Variants in CCDC180 observed in about 807,000 individuals in gnomAD.
CCDC180 encodes coiled-coil domain containing 180, also known as coiled-coil domain-containing protein 180.
A neutral mutation model predicts 209.2 loss-of-function variants in CCDC180; 154 were observed. The ratio of observed to expected loss-of-function variants is 0.74; its 90% CI spans 0.65 to 0.84. CCDC180 has a LOEUF of 0.84. Among genes scored for constraint, CCDC180 ranks in the 40% least tolerant of loss-of-function variants. CCDC180 has a pLI of 0.00. For missense variants in CCDC180, 1,874 were observed against 1,997.3 expected (o/e 0.94, Z 1.18); for synonymous variants, 778 against 749.1 (o/e 1.04, Z -0.63).
chr9:97,341,347 C>A (rs1053527996), intron 18 of CCDC180, among the ~76,000 whole-genome samples: 4 of 152,170 alleles, frequency 2.6e-5, no homozygotes, highest in African/African-American at 9.7e-5. Flanking sequence ...CGGGGAGAGA[C>A]CCACCGACCC....
intron 32 of CCDC180, 108 bp from the exon 33 acceptor site, chr9:97,370,533 C>A: frequency 1.6e-6 from 2 of 1,289,212 alleles, no homozygotes; most frequent in Non-Finnish European, 2.2e-6. Context: ...CCCACACACC[C>A]AGGTCAGAGG....
rs143570099 is a variant in CCDC180, at chr9:97,362,273, G to C, written c.3734G>C (p.Gly1245Ala). 0.012 allele frequency: 19,483 copies of C among 1,614,134 alleles called. 178 individuals carry two copies. Among genetic ancestry groups the C allele is most frequent in the Non-Finnish European group, 0.014 (17,029 of 1,180,014 alleles). ...SQTGRGAWAC[G>A]SRGSSEAGAG... ...ACAGGTAGAGGCGCATGGGCCTGTG[G>C]GTCTCGGGGCAGCAGTGAGGCAGGG... Residue 1245 changes from glycine (G) to alanine (A), a missense_variant, in exon 28 of 37, where the codon GGG becomes GCG. Coordinates refer to ENST00000529487, the MANE Select transcript of CCDC180 (RefSeq NM_020893.6).
chr9:97,356,615 G>A (rs1157816695), intron 24 of CCDC180, among the ~76,000 whole-genome samples: 1 of 152,146 alleles, frequency 6.6e-6, no homozygotes, highest in African/African-American at 2.4e-5. Context: ...AGAGCCCACG[G>A]CTCCAGGGCA....
chr9:97,330,390 A>G lies in CCDC180; in HGVS notation c.1897A>G (p.Met633Val). The change falls in exon 18 of 37, where the codon ATG becomes GTG. Residue 633 changes from methionine (M) to valine (V), a missense_variant. Met to Val is a conservative substitution (Grantham distance 21). Transcript: ENST00000529487. ...GAAGAAGCAAGGGTCTAAAGAGGACATGACCAGAAGTGAGGAAAGCATAAG... is the reference window on the plus strand; with the variant it reads ...GAAGAAGCAAGGGTCTAAAGAGGACGTGACCAGAAGTGAGGAAAGCATAAG... ...LRKKQGSKED[M>V]TRSEESISSG... 2 of 1,614,226 alleles carry G rather than the reference A, an allele frequency of 1.2e-6. No homozygotes were observed. Among genetic ancestry groups the G allele is most frequent in the South Asian group, 1.1e-5 (1 of 91,092 alleles).
At chr9:97,359,794 G>A (rs985276429) in intron 25 of CCDC180, among the ~76,000 whole-genome samples, 188 bp from the exon 26 acceptor site, 1 of 152,044 alleles carries the variant, frequency 6.6e-6, no homozygotes, top group Non-Finnish European at 1.5e-5. Context: ...ACTGTGAAGT[G>A]AAGGCTGCCT....
In CCDC180 at chr9:97,310,154, C is replaced by T. The variant is rs1564143672; in HGVS notation, c.260+550C>T. ...AGCAGCTGATTTGCATTTTTGAAGT[C>T]CCTCAGGCAGCTCTGTGCAGAATGT... On this transcript the variant is annotated intron_variant, in intron 3 of 36. Transcript: ENST00000529487. Among the ~76,000 whole-genome samples, 3 of 152,350 alleles carry T rather than the reference C, an allele frequency of 2.0e-5. No individual in the cohort carries two copies. The South Asian group carries it at 6.2e-4, about 32-fold the overall frequency.
At chr9:97,359,837 A>G in intron 25 of CCDC180, 145 bp from the exon 26 acceptor site, 1 of 1,059,674 alleles carries the variant, frequency 9.4e-7, no homozygotes, top group Non-Finnish European at 1.4e-6. Flanking sequence ...CCACTCCCCA[A>G]GGGCCTTCCC....
At chr9:97,307,654 A>G, upstream of CCDC180, 1 of 1,369,384 alleles carries the variant, frequency 7.3e-7, no homozygotes, top group Non-Finnish European at 1.0e-6. Context: ...CCCAACCGAC[A>G]CCTTGAGCGC....
intron 18 of CCDC180, among the ~76,000 whole-genome samples, chr9:97,338,442 G>A (rs1337441111): frequency 6.6e-6 from 1 of 152,174 alleles, no homozygotes; most frequent in Admixed American, 6.5e-5. Flanking sequence ...TCAGGAGCAG[G>A]TTGTTCTGTT....
At chr9:97,354,488 G>A (rs1484559880) in intron 22 of CCDC180, 81 bp from the exon 23 acceptor site, 3 of 1,404,058 alleles carry the variant, frequency 2.1e-6, no homozygotes, top group Non-Finnish European at 3.0e-6. Flanking sequence ...GATTAAAAGT[G>A]TGTGTCAGCC....
At chr9:97,365,448 T>G (rs963964495) in intron 29 of CCDC180, 1 of 509,830 alleles carries the variant, frequency 2.0e-6, no homozygotes, top group South Asian at 2.5e-5. Flanking sequence ...GCAGCTGAGC[T>G]GGGGTCTGAG....
intron 35 of CCDC180, 110 bp from the exon 36 acceptor site, chr9:97,375,344 A>C: frequency 2.9e-6 from 4 of 1,390,046 alleles, no homozygotes; most frequent in Non-Finnish European, 4.0e-6. Flanking sequence ...AGATATTTAA[A>C]GCCATGATAA....
chr9:97,363,278 A>T (rs149608803), intron 28 of CCDC180, among the ~76,000 whole-genome samples: 27 of 152,328 alleles, frequency 1.8e-4, no homozygotes, highest in Non-Finnish European at 3.5e-4. Flanking sequence ...AGTCCTGGCC[A>T]TTTGGGACCT....
In CCDC180 at chr9:97,376,924, C is replaced by A; in HGVS notation, c.*30C>A. 6.3e-7 allele frequency: 1 copy of A among 1,595,540 alleles called. No homozygotes were observed. Among genetic ancestry groups the A allele is most frequent in the Non-Finnish European group, 8.5e-7 (1 of 1,172,834 alleles). ...CCGCCCCACCATGAATAAACACTTT[C>A]TTATACAGACTCCTTCCCTGTCCAT... is the stretch of plus-strand genomic sequence containing the variant. On this transcript the variant is annotated 3_prime_UTR_variant, in exon 37 of 37. Coordinates refer to ENST00000529487, the MANE Select transcript of CCDC180 (RefSeq NM_020893.6).
rs1306370679 is a variant in CCDC180 at position 97,330,629 on chromosome 9, T to A, written c.2136T>A (p.Asn712Lys). The A allele has an allele frequency of 6.2e-7, 1 of 1,612,660 alleles. No homozygotes were observed. Among genetic ancestry groups the A allele is most frequent in the African/African-American group, 1.3e-5 (1 of 74,482 alleles). The change falls in exon 18 of 37, where the codon AAT becomes AAA. Residue 712 changes from asparagine to lysine, a missense_variant. Asn to Lys is a moderately conservative substitution (Grantham distance 94, BLOSUM62 0). Coordinates refer to ENST00000529487, the MANE Select transcript of CCDC180 (RefSeq NM_020893.6). The part of the protein sequence containing the change: ...GSLNPSLNEE[N>K]VKGQGEKKEE... Reference sequence around the variant, plus strand: ...TAAACCCATCCCTGAATGAGGAGAATGTGAAGGGTCAAGGAGAAAAGAAGG... The same window carrying A: ...TAAACCCATCCCTGAATGAGGAGAAAGTGAAGGGTCAAGGAGAAAAGAAGG...
At chr9:97,360,207 G>T (rs949107823) in intron 26 of CCDC180, 106 bp downstream of exon 26, 87 of 1,335,110 alleles carry the variant, frequency 6.5e-5, no homozygotes, top group Non-Finnish European at 8.5e-5. Flanking sequence ...GGACTCCCAG[G>T]CCTCCGCGGG....
intron 14 of CCDC180, among the ~76,000 whole-genome samples, chr9:97,326,201 G>A (rs1054957467): frequency 6.6e-6 from 1 of 152,166 alleles, no homozygotes; most frequent in African/African-American, 2.4e-5. Flanking sequence ...AACAAACTCA[G>A]CTTCTGATTT....
At chr9:97,335,613 T>C (rs1015789603) in intron 18 of CCDC180, among the ~76,000 whole-genome samples, 1 of 152,220 alleles carries the variant, frequency 6.6e-6, no homozygotes, top group Non-Finnish European at 1.5e-5. Context: ...GTCTTTGCTA[T>C]TGTGAATAGT....
chr9:97,323,435 C>T (rs1040433035), intron 12 of CCDC180, among the ~76,000 whole-genome samples: 19 of 152,192 alleles, frequency 1.2e-4, no homozygotes, highest in African/African-American at 3.9e-4. Flanking sequence ...AACCCAAGCA[C>T]GACTGTGACT....
Sources: allele counts gnomAD v4.1 joint callset (sites outside exome capture counted in the v4.1 genomes callset), GRCh38; gene constraint gnomAD v4.1.1; transcripts MANE v1.5; gene names NCBI Gene and HGNC (gene_info 2026-07-23, HGNC 2026-07-21).